RGS7: variants seen among roughly 807,000 people sequenced by gnomAD.
The protein encoded by RGS7 is regulator of G-protein signaling 7.
Under a neutral mutation model 81.1 loss-of-function variants are expected in RGS7, and 27 were observed. The observed-to-expected ratio is 0.33, with a 90% confidence interval of 0.25 to 0.46. The LOEUF is 0.46. Ranked by LOEUF, RGS7 falls within the 20% of genes least tolerant of loss-of-function variation. RGS7 has a pLI of 1.00. For missense variants in RGS7, 396 were observed against 607.4 expected (o/e 0.65, Z 3.66); for synonymous variants, 208 against 207.7 (o/e 1.00, Z -0.01).
intron 3 of RGS7, among the ~76,000 whole-genome samples, chr1:241,018,963 T>C (rs1277892592): frequency 1.3e-5 from 2 of 152,198 alleles, no homozygotes; most frequent in Admixed American, 1.3e-4. Context: ...GGACTAGGCC[T>C]TTGTTAGGCA....
At chr1:240,925,587 C>T (rs1001084448) in intron 6 of RGS7, among the ~76,000 whole-genome samples, 2 of 152,122 alleles carry the variant, frequency 1.3e-5, no homozygotes, top group Non-Finnish European at 2.9e-5. Flanking sequence ...GTGATGAACA[C>T]ATAAGTGCAC....
At chr1:240,821,491 G>T (rs1488019216) in intron 10 of RGS7, among the ~76,000 whole-genome samples, 1 of 152,116 alleles carries the variant, frequency 6.6e-6, no homozygotes, top group Non-Finnish European at 1.5e-5. Context: ...ATTTTCATTT[G>T]AGCAGTTTCT....
chr1:241,100,874 A>G (rs746397065), intron 2 of RGS7, among the ~76,000 whole-genome samples: 3 of 152,172 alleles, frequency 2.0e-5, no homozygotes, highest in Non-Finnish European at 4.4e-5. Context: ...GAGCGCCATT[A>G]CCCTAATCCC....
intron 2 of RGS7, among the ~76,000 whole-genome samples, chr1:241,204,250 A>G (rs138844915): frequency 4.6e-5 from 7 of 152,352 alleles, no homozygotes; most frequent in Middle Eastern, 6.8e-3. Context: ...GGAGGAGGGT[A>G]ATTCATTGGA....
At chr1:241,095,377 C>A (rs544854732) in intron 3 of RGS7, among the ~76,000 whole-genome samples, 1 of 152,282 alleles carries the variant, frequency 6.6e-6, no homozygotes, top group East Asian at 1.9e-4. Flanking sequence ...TGGCTGGGCT[C>A]ATTCCTATAA....
intron 2 of RGS7, among the ~76,000 whole-genome samples, chr1:241,266,849 A>T (rs2077617342): frequency 1.3e-5 from 2 of 152,314 alleles, no homozygotes; most frequent in South Asian, 4.1e-4. Flanking sequence ...GTGACAAAAA[A>T]ATCAAGGCAA....
Position 241,093,232 on chromosome 1 carries a change from G to GT in RGS7, c.175+5433dup, listed in dbSNP as rs879889904. On this transcript the variant is annotated intron_variant, in intron 3 of 18. Transcript: ENST00000440928. ...ACTATTATACTCAAACTTCTTAAAG[G>GT]TTTTTTTTTGTAGTTAAGGACAGAC... is the stretch of plus-strand genomic sequence containing the variant. 5.1e-3 allele frequency among the ~76,000 whole-genome samples: 768 copies of GT among 151,174 alleles called. 8 individuals carry two copies. Among genetic ancestry groups the GT allele is most frequent in the African/African-American group, 0.014 (592 of 41,234 alleles).
chr1:240,991,556 G>T (rs1686461234), intron 3 of RGS7, among the ~76,000 whole-genome samples: 1 of 152,220 alleles, frequency 6.6e-6, no homozygotes, highest in Non-Finnish European at 1.5e-5. Context: ...GTTCCTTGAT[G>T]TGCAGCCTTT....
chr1:240,775,737 G>A lies in RGS7; in HGVS notation c.*483C>T, dbSNP rs769296850. 5.8e-6 allele frequency: 1 copy of A among 171,076 alleles called. No individual in the cohort carries two copies. The highest frequency in any genetic ancestry group is 1.4e-4 in the East Asian group (1 of 6,924). 10.6% of individuals were successfully genotyped at this position (171,076 alleles called of 1,614,324 possible). A position where few individuals can be genotyped will look rare whatever the true frequency, so the allele number is the denominator to read the frequency against. On this transcript the variant is annotated 3_prime_UTR_variant, in exon 19 of 19. Transcript: ENST00000440928. ...ATTGGTGAAATGAAACTTTCTGTGC[G>A]GAATTTATTGTTTAATAAATGTGAA...
At chr1:241,014,563 A>G (rs151171902) in intron 3 of RGS7, among the ~76,000 whole-genome samples, 11 of 152,324 alleles carry the variant, frequency 7.2e-5, no homozygotes, top group South Asian at 4.1e-4. Context: ...CTGTGGCCCA[A>G]TGATGTCACA....
chr1:240,796,985 C>G (rs1687178721), intron 18 of RGS7, among the ~76,000 whole-genome samples: 1 of 152,158 alleles, frequency 6.6e-6, no homozygotes, highest in Non-Finnish European at 1.5e-5. Flanking sequence ...AGGTGACTCC[C>G]TGGGTGTTCA....
At chr1:241,170,638 AGCAATGAT>A (rs2070665056) in intron 2 of RGS7, among the ~76,000 whole-genome samples, 1 of 152,230 alleles carries the variant, frequency 6.6e-6, no homozygotes, top group Non-Finnish European at 1.5e-5. Flanking sequence ...AGACTGGCAG[AGCAATGAT>A]GCAATTACAA....
intron 2 of RGS7, among the ~76,000 whole-genome samples, chr1:241,251,624 C>T (rs1056921806): frequency 2.0e-4 from 30 of 151,954 alleles, no homozygotes; most frequent in Non-Finnish European, 2.9e-5. Context: ...ATTCTCCTGC[C>T]TCAACCTCCC....
At position 240,801,460 on chromosome 1, in the gene RGS7, T is replaced by A; in HGVS notation, c.1408A>T (p.Asn470Tyr). The A allele has an allele frequency of 6.2e-7, 1 of 1,600,734 alleles. No individual in the cohort carries two copies. The highest frequency in any genetic ancestry group is 8.6e-7 in the Non-Finnish European group (1 of 1,168,728). Residue 470 changes from asparagine (N) to tyrosine (Y), a missense_variant, in exon 17 of 19, where the codon AAT becomes TAT. Coordinates refer to ENST00000440928, the MANE Select transcript of RGS7 (RefSeq NM_001364886.1). Reference protein sequence around the residue: ...RRTSFEKFAQNVGRNIPIFPC... With the variant: ...RRTSFEKFAQYVGRNIPIFPC... ...CCTCAAAAAATTAAACTTACCACAT[T>A]CTGTGCAAATTTTTCAAAAGATGTT...
chr1:240,780,213 G>A (rs994574940), intron 18 of RGS7, among the ~76,000 whole-genome samples: 3 of 151,956 alleles, frequency 2.0e-5, no homozygotes, highest in Non-Finnish European at 4.4e-5. Flanking sequence ...TTGGGAGGCC[G>A]AGGCGGGTGG....
chr1:241,145,469 G>A (rs573301531), intron 2 of RGS7, among the ~76,000 whole-genome samples: 19 of 152,146 alleles, frequency 1.2e-4, no homozygotes, highest in Non-Finnish European at 1.9e-4. Context: ...GGTTGGATCC[G>A]ATAACTTTGA....
intron 18 of RGS7, among the ~76,000 whole-genome samples, chr1:240,796,684 TCAA>T (rs1199805402): frequency 3.9e-5 from 6 of 152,044 alleles, no homozygotes; most frequent in South Asian, 2.1e-4. Context: ...AAATTGTGTC[TCAA>T]CAACAACAAC....
At chr1:241,140,115 CT>C in intron 2 of RGS7, among the ~76,000 whole-genome samples, 1 of 152,314 alleles carries the variant, frequency 6.6e-6, no homozygotes, top group Non-Finnish European at 1.5e-5. Context: ...ACCAGGATCC[CT>C]TGTGTCTGGC....
rs148595229 is a variant in RGS7 at position 241,063,947 on chromosome 1, G to A, written c.175+34719C>T. On this transcript the variant is annotated intron_variant, in intron 3 of 18. Transcript: ENST00000440928. ...GCCTGTAATCCCAGCACTTTGGGAG[G>A]CCAAGGTGGGCGGATCACCTGAGGC... 4.1e-3 allele frequency among the ~76,000 whole-genome samples: 628 copies of A among 152,250 alleles called. 8 individuals are homozygous for A. Among genetic ancestry groups the A allele is most frequent in the Admixed American group, 0.019 (289 of 15,296 alleles).
Sources: allele counts gnomAD v4.1 joint callset (sites outside exome capture counted in the v4.1 genomes callset), GRCh38; gene constraint gnomAD v4.1.1; transcripts MANE v1.5; gene names NCBI Gene and HGNC (gene_info 2026-07-23, HGNC 2026-07-21).